FBXW7: variants seen among roughly 807,000 people sequenced by gnomAD.
FBXW7 encodes the protein F-box/WD repeat-containing protein 7.
A neutral mutation model predicts 86.3 loss-of-function variants in FBXW7; 11 were observed. That is an observed-to-expected ratio of 0.13 (90% confidence interval 0.08 to 0.21). FBXW7 has a LOEUF of 0.21. FBXW7 is among the 10% of genes least tolerant of loss of function. FBXW7 has a pLI of 1.00. For synonymous variants in FBXW7, 313 were observed against 297.9 expected (o/e 1.05, Z -0.52); for missense variants, 488 against 847.4 (o/e 0.58, Z 5.27).
At chr4:152,479,105 GA>G (rs1744657347) in intron 2 of FBXW7, among the ~76,000 whole-genome samples, 1 of 152,092 alleles carries the variant, frequency 6.6e-6, no homozygotes, top group South Asian at 2.1e-4. Flanking sequence ...TGATGATAGT[GA>G]ATGTCCTTCC....
chr4:152,529,813 G>A (rs1359279017), intron 2 of FBXW7, among the ~76,000 whole-genome samples: 1 of 151,832 alleles, frequency 6.6e-6, no homozygotes, highest in Non-Finnish European at 1.5e-5. Flanking sequence ...GTTACCTGGT[G>A]GGTGCTAAAA....
intron 2 of FBXW7, among the ~76,000 whole-genome samples, chr4:152,439,800 A>G (rs533100371): frequency 3.4e-5 from 5 of 146,502 alleles, no homozygotes; most frequent in African/African-American, 1.3e-4. Context: ...CAGGAGGTGG[A>G]GCTTGCAGTG....
chr4:152,326,310 G>T, intron 11 of FBXW7, 79 bp from the exon 12 acceptor site: 1 of 1,022,796 alleles, frequency 9.8e-7, no homozygotes, highest in Non-Finnish European at 1.4e-6. Flanking sequence ...AGAAAACATG[G>T]TAGATTTAGT....
intron 4 of FBXW7, chr4:152,382,390 CT>C: frequency 7.2e-7 from 1 of 1,379,326 alleles, no homozygotes; most frequent in Non-Finnish European, 9.4e-7. Context: ...AGGCACATTA[CT>C]AAAAGCTCTA....
At chr4:152,345,189 T>C (rs981960703) in intron 6 of FBXW7, among the ~76,000 whole-genome samples, 1 of 152,148 alleles carries the variant, frequency 6.6e-6, no homozygotes, top group Non-Finnish European at 1.5e-5. Context: ...ATAAATTTCC[T>C]TTTAAAAGGA....
In FBXW7 at chr4:152,330,850, T is replaced by G. The variant is rs1207038641; in HGVS notation, c.1004A>C (p.His335Pro). 7.4e-6 allele frequency: 12 copies of G among 1,611,876 alleles called. No individual in the cohort carries two copies. Among genetic ancestry groups the G allele is most frequent in the Non-Finnish European group, 1.0e-5 (12 of 1,178,552 alleles). The change falls in exon 9 of 14, where the codon CAC becomes CCC. Residue 335 changes from histidine (H) to proline (P), a missense_variant. By Grantham distance (77) the His-to-Pro change is moderately conservative (BLOSUM62 -2). Around this residue, in one of 4 missense-constraint regions of FBXW7, gnomAD observed 57 missense variants for 62.8 expected, o/e 0.91. Transcript: ENST00000281708. ...TTTTATTACTTTTCTTCTCTTGATGTGCAATGGTTCATCAATCCCTAAAGT... is the reference window on the plus strand; with the variant it reads ...TTTTATTACTTTTCTTCTCTTGATGGGCAATGGTTCATCAATCCCTAAAGT... ...CKEEGIDEPL[H>P]IKRRKVIKPG...
chr4:152,389,290 C>A (rs1428217628), intron 4 of FBXW7, among the ~76,000 whole-genome samples: 1 of 151,858 alleles, frequency 6.6e-6, no homozygotes, highest in African/African-American at 2.4e-5. Flanking sequence ...TGGGCATCTA[C>A]CCAAAAGAAA....
chr4:152,429,386 C>T (rs1011358619), intron 2 of FBXW7, among the ~76,000 whole-genome samples: 7 of 20,712 alleles, frequency 3.4e-4, no homozygotes, highest in Non-Finnish European at 6.1e-4. Context: ...TGGGGGGCGG[C>T]GGGGGAGGAG....
chr4:152,322,826 G>A lies in FBXW7; in HGVS notation c.*55C>T, dbSNP rs1034414581. On this transcript the variant is annotated 3_prime_UTR_variant, in exon 14 of 14. Coordinates refer to ENST00000281708, the MANE Select transcript of FBXW7 (RefSeq NM_001349798.2). The stretch of plus-strand genomic sequence containing the variant: ...TTTTCTTTTTTTCTTTTTGCAGGGG[G>A]AAGGGCAGGGAGTATATCGTCTACA... 8.9e-6 allele frequency: 14 copies of A among 1,581,916 alleles called. No individual in the cohort carries two copies. The highest frequency in any genetic ancestry group is 1.2e-5 in the Non-Finnish European group (14 of 1,164,422).
At chr4:152,500,612 C>T (rs1280636594) in intron 2 of FBXW7, among the ~76,000 whole-genome samples, 2 of 148,972 alleles carry the variant, frequency 1.3e-5, no homozygotes, top group Admixed American at 6.8e-5. Context: ...GGTATGGAAA[C>T]ATGAGTATCG....
intron 2 of FBXW7, among the ~76,000 whole-genome samples, chr4:152,453,052 C>A (rs1742058195): frequency 6.6e-6 from 1 of 152,088 alleles, no homozygotes; most frequent in Non-Finnish European, 1.5e-5. Context: ...GGCGTGGTGG[C>A]ACATGCCTGT....
chr4:152,408,810 G>A (rs1737668767), intron 4 of FBXW7, among the ~76,000 whole-genome samples: 1 of 152,206 alleles, frequency 6.6e-6, no homozygotes, highest in Non-Finnish European at 1.5e-5. Flanking sequence ...TCATCACGTA[G>A]TGTAATCTGG....
chr4:152,393,705 A>G (rs1736183394), intron 4 of FBXW7, among the ~76,000 whole-genome samples: 1 of 152,174 alleles, frequency 6.6e-6, no homozygotes, highest in Non-Finnish European at 1.5e-5. Flanking sequence ...TACCTTCTTC[A>G]TACTTCCATT....
intron 4 of FBXW7, chr4:152,382,469 C>T (rs1292200691): frequency 7.4e-6 from 9 of 1,217,706 alleles, no homozygotes; most frequent in Non-Finnish European, 9.2e-6. Flanking sequence ...AGGCCTGCTG[C>T]TTTTGTCTTT....
At chr4:152,528,405 T>A (rs1749719218) in intron 2 of FBXW7, among the ~76,000 whole-genome samples, 4 of 152,226 alleles carry the variant, frequency 2.6e-5, no homozygotes, top group Admixed American at 2.0e-4. Context: ...GATTTTCAAC[T>A]ACGTGCATGG....
intron 4 of FBXW7, among the ~76,000 whole-genome samples, chr4:152,375,357 T>A (rs549664216): frequency 9.5e-4 from 145 of 152,044 alleles, no homozygotes; most frequent in African/African-American, 3.4e-3. Context: ...ACTCTCCATA[T>A]AAAAAATATG....
intron 2 of FBXW7, among the ~76,000 whole-genome samples, chr4:152,482,910 TAC>T (rs1197962364): frequency 6.6e-6 from 1 of 152,168 alleles, no homozygotes; most frequent in African/African-American, 2.4e-5. Context: ...ACAATAGACC[TAC>T]TGAGCTAAGT....
intron 2 of FBXW7, among the ~76,000 whole-genome samples, chr4:152,430,196 A>G (rs1008458848): frequency 1.6e-4 from 25 of 152,168 alleles, no homozygotes; most frequent in African/African-American, 5.1e-4. Flanking sequence ...TTTAGTGGTA[A>G]AATCCTGAAG....
chr4:152,439,623 C>T (rs146775199), intron 2 of FBXW7, among the ~76,000 whole-genome samples: 2,802 of 151,964 alleles, frequency 0.018, 56 homozygotes, highest in African/African-American at 0.045. Flanking sequence ...CCCAGCACTT[C>T]GGGAGGCTGA....
Sources: allele counts gnomAD v4.1 joint callset (sites outside exome capture counted in the v4.1 genomes callset), GRCh38; gene constraint gnomAD v4.1.1; regional missense constraint gnomAD v4.1.1; transcripts MANE v1.5; gene names NCBI Gene and HGNC (gene_info 2026-07-23, HGNC 2026-07-21).